Variants in TENM2 observed in about 807,000 individuals in gnomAD.
TENM2 encodes the protein teneurin-2.
A neutral mutation model predicts 245.2 loss-of-function variants in TENM2; 52 were observed. The observed-to-expected ratio is 0.21, with a 90% CI of 0.17 to 0.27. TENM2 has a LOEUF of 0.27. TENM2 is among the 10% of genes least tolerant of loss of function. The probability of loss-of-function intolerance (pLI) is 1.00; values close to 1 mark genes in which losing one functional copy is unlikely to be tolerated. For missense variants in TENM2, 3,046 were observed against 3,666.8 expected (o/e 0.83, Z 4.37); for synonymous variants, 1,363 against 1,438.9 (o/e 0.95, Z 1.19).
chr5:167,438,079 C>T (rs944066621), intron 2 of TENM2, among the ~76,000 whole-genome samples: 5 of 152,026 alleles, frequency 3.3e-5, no homozygotes, highest in Non-Finnish European at 7.4e-5. Flanking sequence ...TTTGAGATTC[C>T]TCCATATAAA....
chr5:167,366,387 TCC>T (rs1760056810), intron 1 of TENM2, among the ~76,000 whole-genome samples: 1 of 152,092 alleles, frequency 6.6e-6, no homozygotes, highest in African/African-American at 2.4e-5. Flanking sequence ...GCAAGTTTCT[TCC>T]TCTGTAGACT....
chr5:168,008,144 G>A (rs1658412941), intron 5 of TENM2, among the ~76,000 whole-genome samples: 1 of 152,194 alleles, frequency 6.6e-6, no homozygotes, highest in Admixed American at 6.5e-5. Flanking sequence ...GAGGATAACT[G>A]GATGGAGAAG....
intron 5 of TENM2, among the ~76,000 whole-genome samples, chr5:168,015,431 G>A (rs1785573172): frequency 6.6e-6 from 1 of 152,194 alleles, no homozygotes; most frequent in Non-Finnish European, 1.5e-5. Flanking sequence ...CAAACAATAT[G>A]CTCTTTCCAC....
At chr5:167,464,714 C>T (rs1766531182) in intron 2 of TENM2, among the ~76,000 whole-genome samples, 1 of 152,060 alleles carries the variant, frequency 6.6e-6, no homozygotes, top group Non-Finnish European at 1.5e-5. Flanking sequence ...CCTGGAACTG[C>T]ACAACAGGCC....
the TENM2 span, among the ~76,000 whole-genome samples, chr5:167,101,859 A>C: frequency 8.0e-6 from 1 of 124,956 alleles, no homozygotes; most frequent in Non-Finnish European, 1.7e-5. Flanking sequence ...TTATATATAT[A>C]TATATATATA....
At chr5:167,984,467 C>A (rs566189256) in intron 4 of TENM2, among the ~76,000 whole-genome samples, 110 of 152,226 alleles carry the variant, frequency 7.2e-4, no homozygotes, top group African/African-American at 2.6e-3. Flanking sequence ...ACCAGCCTAG[C>A]CAACATGGTG....
intron 2 of TENM2, among the ~76,000 whole-genome samples, chr5:167,709,890 G>T (rs894167865): frequency 6.6e-6 from 1 of 152,120 alleles, no homozygotes; most frequent in Non-Finnish European, 1.5e-5. Flanking sequence ...ACTCTTTTTG[G>T]TTTAACTTGA....
chr5:167,648,411 C>G (rs1044324105), intron 2 of TENM2, among the ~76,000 whole-genome samples: 1 of 152,208 alleles, frequency 6.6e-6, no homozygotes, highest in Non-Finnish European at 1.5e-5. Flanking sequence ...CACTATATGT[C>G]AGGCACTGCT....
At chr5:167,251,932 G>A in the TENM2 span, among the ~76,000 whole-genome samples, 1 of 152,232 alleles carries the variant, frequency 6.6e-6, no homozygotes, top group East Asian at 1.9e-4. Flanking sequence ...TGCCAAGGCA[G>A]GTCTCAGTTT....
At chr5:168,027,304 C>T (rs1274111350) in intron 5 of TENM2, among the ~76,000 whole-genome samples, 2 of 152,296 alleles carry the variant, frequency 1.3e-5, no homozygotes, top group Admixed American at 6.5e-5. Flanking sequence ...AGGGCTTTCC[C>T]AGAAGAGGAA....
chr5:167,295,418 C>A (rs1028524194), intron 1 of TENM2, among the ~76,000 whole-genome samples: 1 of 152,154 alleles, frequency 6.6e-6, no homozygotes, highest in Admixed American at 6.5e-5. Flanking sequence ...GTCTACTCTG[C>A]GGTATGTATA....
chr5:167,264,512 G>A, the TENM2 span, among the ~76,000 whole-genome samples: 2 of 152,138 alleles, frequency 1.3e-5, no homozygotes, highest in Non-Finnish European at 2.9e-5. Context: ...TAAATTCTGG[G>A]CTGTTTTCCC....
At chr5:167,924,221 A>G (rs970464661) in intron 3 of TENM2, among the ~76,000 whole-genome samples, 6 of 152,198 alleles carry the variant, frequency 3.9e-5, no homozygotes, top group African/African-American at 9.6e-5. Flanking sequence ...AATCAGGTGC[A>G]GTTTTTGGCT....
At chr5:167,947,001 A>G (rs935683927) in intron 3 of TENM2, among the ~76,000 whole-genome samples, 2 of 150,318 alleles carry the variant, frequency 1.3e-5, no homozygotes, top group Non-Finnish European at 3.0e-5. Context: ...GGGCTCTTAC[A>G]GAGACACTCT....
At chr5:167,124,627 A>AAAC in the TENM2 span, among the ~76,000 whole-genome samples, 2 of 152,146 alleles carry the variant, frequency 1.3e-5, no homozygotes, top group Non-Finnish European at 2.9e-5. Flanking sequence ...AACATCTGTT[A>AAAC]TAAAGAGAGC....
chr5:167,807,535 C>T (rs975007255), intron 2 of TENM2, among the ~76,000 whole-genome samples: 1 of 151,914 alleles, frequency 6.6e-6, no homozygotes, highest in Non-Finnish European at 1.5e-5. Context: ...AACTAAAATA[C>T]TAAATTCCCT....
At chr5:167,364,814 A>G (rs375282415) in intron 1 of TENM2, among the ~76,000 whole-genome samples, 129 of 152,136 alleles carry the variant, frequency 8.5e-4, no homozygotes, top group African/African-American at 3.1e-3. Context: ...AAGAGAAGGA[A>G]TAAAAGACAA....
chr5:167,691,979 G>T (rs1026921728), intron 2 of TENM2, among the ~76,000 whole-genome samples: 1 of 152,148 alleles, frequency 6.6e-6, no homozygotes, highest in Non-Finnish European at 1.5e-5. Flanking sequence ...AGCACCATTT[G>T]CGGGAGAGGA....
At chr5:167,871,652 C>T (rs1241410162) in intron 2 of TENM2, among the ~76,000 whole-genome samples, 1 of 152,138 alleles carries the variant, frequency 6.6e-6, no homozygotes, top group African/African-American at 2.4e-5. Context: ...TTGCCTGTTT[C>T]CTTTCGTTTT....
Sources: allele counts gnomAD v4.1 joint callset (sites outside exome capture counted in the v4.1 genomes callset), GRCh38; gene constraint gnomAD v4.1.1; transcripts MANE v1.5; gene names NCBI Gene and HGNC (gene_info 2026-07-23, HGNC 2026-07-21).